Variants in MAP3K4 observed in about 807,000 individuals in gnomAD.
The protein encoded by MAP3K4 is MAP three kinase 1.
MAP3K4 carries 67 observed loss-of-function variants against 185.6 expected under a neutral mutation model. That is an observed-to-expected ratio of 0.36 (90% confidence interval 0.30 to 0.44). MAP3K4 has a LOEUF of 0.44. Among genes scored for constraint, MAP3K4 ranks in the 20% least tolerant of loss-of-function variants. The pLI is 1.00. For synonymous variants in MAP3K4, 702 were observed against 710.4 expected (o/e 0.99, Z 0.19); for missense variants, 1,551 against 1,995.1 (o/e 0.78, Z 4.24).
In MAP3K4 at chr6:161,049,338, C is replaced by T. The variant is rs756547877; in HGVS notation, c.1066C>T (p.Arg356Trp). 106 of 1,613,960 alleles carry T rather than the reference C, an allele frequency of 6.6e-5. No homozygotes were observed. Among genetic ancestry groups the T allele is most frequent in the Non-Finnish European group, 7.7e-5 (91 of 1,180,012 alleles). The change falls in exon 3 of 27, where the codon CGG becomes TGG. Residue 356 changes from arginine to tryptophan, a missense_variant. Around this residue, in one of 16 missense-constraint regions of MAP3K4, gnomAD observed 93 missense variants for 96.7 expected, o/e 0.96. Coordinates refer to ENST00000392142, the MANE Select transcript of MAP3K4 (RefSeq NM_005922.4). This position sits in a 1 kb window ranked among gnomAD's most constrained non-coding sequence, Gnocchi z 8.4. ...RQRVSFEQVK[R>W]IMELLEYIEA... ...GAGGGTCTCATTTGAGCAGGTAAAACGGATAATGGAGCTGCTAGAGTACAT... is the reference window on the plus strand; with the variant it reads ...GAGGGTCTCATTTGAGCAGGTAAAATGGATAATGGAGCTGCTAGAGTACAT...
intron 19 of MAP3K4, 133 bp downstream of exon 19, chr6:161,102,912 T>G (rs1401954709): frequency 1.7e-6 from 1 of 597,750 alleles, no homozygotes; most frequent in Non-Finnish European, 2.9e-6. Flanking sequence ...TTTTGTGATC[T>G]CACAGCTCTG....
intron 1 of MAP3K4, among the ~76,000 whole-genome samples, chr6:161,018,268 C>G (rs1024038254): frequency 6.6e-6 from 1 of 152,072 alleles, no homozygotes; most frequent in African/African-American, 2.4e-5. Context: ...TATATAAGGC[C>G]TTCTTGAGTC....
rs1349734377 is a variant in MAP3K4, at chr6:161,073,958, T to A, written c.2097+346T>A. On this transcript the variant is annotated intron_variant, in intron 5 of 26. Coordinates refer to ENST00000392142, the MANE Select transcript of MAP3K4 (RefSeq NM_005922.4). This position sits in a 1 kb window ranked among gnomAD's most constrained non-coding sequence, Gnocchi z 4.2. ...TAGAATAGTTCATCTTATGGCAGAA[T>A]GGCCCAGAAGTAGAATCAAAATATG... Among the ~76,000 whole-genome samples the A allele has an allele frequency of 3.3e-5, 5 of 152,236 alleles. No individual in the cohort carries two copies. The highest frequency in any genetic ancestry group is 1.5e-5 in the Non-Finnish European group (1 of 68,034).
In MAP3K4 at chr6:161,098,854, C is replaced by CA. The variant is rs1258245941; in HGVS notation, c.3674+427_3674+428insA. On this transcript the variant is annotated intron_variant, in intron 17 of 26. Transcript: ENST00000392142. This position sits in a 1 kb window ranked among gnomAD's most constrained non-coding sequence, Gnocchi z 4.4. ...AAGATCAGTTTTCTAGCCAAATACT[C>CA]TATTTTAAATAATTGTTGATTAGAA... 6.6e-6 allele frequency among the ~76,000 whole-genome samples: 1 copy of CA among 152,052 alleles called. No individual in the cohort carries two copies. Among genetic ancestry groups the CA allele is most frequent in the Non-Finnish European group, 1.5e-5 (1 of 68,006 alleles).
chr6:161,055,464 C>G (rs547914728), intron 3 of MAP3K4, among the ~76,000 whole-genome samples: 1 of 152,180 alleles, frequency 6.6e-6, no homozygotes, highest in Non-Finnish European at 1.5e-5. Context: ...TTCTTATATG[C>G]TCTTCATCCA....
intron 1 of MAP3K4, among the ~76,000 whole-genome samples, chr6:160,994,682 T>C (rs1780910311): frequency 2.0e-5 from 3 of 152,162 alleles, no homozygotes; most frequent in South Asian, 4.1e-4. Context: ...CAAATGGTAG[T>C]TCTACTTTTA....
In MAP3K4 at chr6:161,048,729, A is replaced by G; in HGVS notation, c.457A>G (p.Thr153Ala). The change falls in exon 3 of 27, where the codon ACA becomes GCA. Residue 153 changes from threonine to alanine, a missense_variant. Around this residue, in one of 16 missense-constraint regions of MAP3K4, gnomAD observed 287 missense variants for 268.8 expected, o/e 1.07. Coordinates refer to ENST00000392142, the MANE Select transcript of MAP3K4 (RefSeq NM_005922.4). The surrounding 1 kb of genome is among the most constrained non-coding windows in gnomAD (Gnocchi z 4.7). ...AAAGATCCGAGCAGCTCTTAGAACA[A>G]CAGAGCGTGATCGTAAAAAAAATGT... Reference protein sequence around the residue: ...EKKIRAALRTTERDRKKNVQC... With the variant: ...EKKIRAALRTAERDRKKNVQC... The G allele has an allele frequency of 1.9e-6, 3 of 1,614,084 alleles. No individual in the cohort carries two copies. The highest frequency in any genetic ancestry group is 2.5e-6 in the Non-Finnish European group (3 of 1,179,990).
At chr6:161,027,052 A>G (rs1433057177) in intron 1 of MAP3K4, among the ~76,000 whole-genome samples, 1 of 152,192 alleles carries the variant, frequency 6.6e-6, no homozygotes, top group Non-Finnish European at 1.5e-5. Context: ...AGTGAAACAG[A>G]AGACTTTATA....
rs1341077665 is a variant in MAP3K4 at position 161,115,834 on chromosome 6, A to G, written c.4806+532A>G. On this transcript the variant is annotated intron_variant, in intron 26 of 26. Coordinates refer to ENST00000392142, the MANE Select transcript of MAP3K4 (RefSeq NM_005922.4). This position sits in a 1 kb window ranked among gnomAD's most constrained non-coding sequence, Gnocchi z 6.0. ...CCTTCCGGGAGAGTGGGATGGTCAC[A>G]GAGCCCTGTGTAGGTAGATCCTGGT... 6.6e-6 allele frequency among the ~76,000 whole-genome samples: 1 copy of G among 152,220 alleles called. No individual in the cohort carries two copies. Among genetic ancestry groups the G allele is most frequent in the Non-Finnish European group, 1.5e-5 (1 of 68,032 alleles).
chr6:161,098,555 AGGGCCTT>A lies in MAP3K4; in HGVS notation c.3674+129_3674+135del. ...TGCTGTGGCGTGTGAGTGATGCTCT[AGGGCCTT>A]CCGCAGGTTGTCACGGCCCAGAGGC... On this transcript the variant is annotated intron_variant, in intron 17 of 26. Coordinates refer to ENST00000392142, the MANE Select transcript of MAP3K4 (RefSeq NM_005922.4). This position sits in a 1 kb window ranked among gnomAD's most constrained non-coding sequence, Gnocchi z 4.4. The A allele has an allele frequency of 2.7e-6, 3 of 1,120,248 alleles. No individual in the cohort carries two copies. Among genetic ancestry groups the A allele is most frequent in the Non-Finnish European group, 3.7e-6 (3 of 814,436 alleles). 69.4% of individuals were successfully genotyped at this position (1,120,248 alleles called of 1,614,324 possible).
At chr6:161,027,718 G>A (rs1004606177) in intron 1 of MAP3K4, among the ~76,000 whole-genome samples, 1 of 152,202 alleles carries the variant, frequency 6.6e-6, no homozygotes, top group Non-Finnish European at 1.5e-5. Context: ...AAAATAAAAT[G>A]TAAGGTTTGT....
Position 161,061,436 on chromosome 6 carries a change from A to G in MAP3K4, c.1708-9172A>G, listed in dbSNP as rs113265025. ...AGATTCTTTTTTCTACTTTATTTCC[A>G]AAATAATAGCTTTATTGAGATATAA... On this transcript the variant is annotated intron_variant, in intron 3 of 26. Coordinates refer to ENST00000392142, the MANE Select transcript of MAP3K4 (RefSeq NM_005922.4). The surrounding 1 kb of genome is among the most constrained non-coding windows in gnomAD (Gnocchi z 4.2). Among the ~76,000 whole-genome samples, 2,084 of 152,336 alleles carry G rather than the reference A, an allele frequency of 0.014. 64 individuals carry two copies. Among genetic ancestry groups the G allele is most frequent in the African/African-American group, 0.048 (1,985 of 41,572 alleles).
intron 1 of MAP3K4, among the ~76,000 whole-genome samples, chr6:161,013,619 C>G (rs1450564463): frequency 6.6e-6 from 1 of 152,136 alleles, no homozygotes; most frequent in Admixed American, 6.6e-5. Flanking sequence ...AATTCAGGGG[C>G]ACACTAGAGG....
rs5881391 is a variant in MAP3K4, at chr6:161,098,318, C to CCTGCTGCTG, written c.3590_3598dup (p.Ala1197_Ala1199dup). ...TTCCGACGCGCGGAGCCATGGCAGC[C>CCTGCTGCTG]CTGCTGCTGCTGCTGCTGCTGCTGC... is the stretch of plus-strand genomic sequence containing the variant. On this transcript the variant is annotated inframe_insertion, in exon 17 of 27. Transcript: ENST00000392142. The surrounding 1 kb of genome is among the most constrained non-coding windows in gnomAD (Gnocchi z 4.4). The CCTGCTGCTG allele has an allele frequency of 5.2e-5, 79 of 1,516,788 alleles. 1 individual carries two copies. The highest frequency in any genetic ancestry group is 1.4e-4 in the African/African-American group (10 of 72,158). 94.0% of individuals were successfully genotyped at this position (1,516,788 alleles called of 1,614,324 possible). A position where few individuals can be genotyped will look rare whatever the true frequency, so the allele number is the denominator to read the frequency against.
intron 3 of MAP3K4, among the ~76,000 whole-genome samples, chr6:161,055,598 A>G (rs1784195709): frequency 6.6e-6 from 1 of 152,192 alleles, no homozygotes; most frequent in Non-Finnish European, 1.5e-5. Context: ...TTTTTCTAAT[A>G]ATTCCCTTTT....
rs1017194863 is a variant in MAP3K4, at chr6:161,034,596, A to G, written c.343+147A>G. 4 of 646,534 alleles carry G rather than the reference A, an allele frequency of 6.2e-6. No individual in the cohort carries two copies. Among genetic ancestry groups the G allele is most frequent in the Non-Finnish European group, 1.0e-5 (4 of 389,088 alleles). The allele number at this position is 646,534 out of a possible 1,614,324, so 40.0% of individuals were successfully genotyped here. On this transcript the variant is annotated intron_variant, in intron 2 of 26. Coordinates refer to ENST00000392142, the MANE Select transcript of MAP3K4 (RefSeq NM_005922.4). This position sits in a 1 kb window ranked among gnomAD's most constrained non-coding sequence, Gnocchi z 4.4. ...AATTTTTTTTTGAATTATTACCATT[A>G]GTATTAATAAAATTGACACATAGTT... is the stretch of plus-strand genomic sequence containing the variant.
chr6:161,087,461 C>T lies in MAP3K4; in HGVS notation c.2557-227C>T, dbSNP rs542167322. Among the ~76,000 whole-genome samples, 14 of 152,228 alleles carry T rather than the reference C, an allele frequency of 9.2e-5. No individual in the cohort carries two copies. The highest frequency in any genetic ancestry group is 3.1e-4 in the African/African-American group (13 of 41,538). The stretch of plus-strand genomic sequence containing the variant: ...AGCAGTGAGGAGGATGTCCAATAAT[C>T]GGGGAGACTCTGTAAGGCCTCTCCT... On this transcript the variant is annotated intron_variant, in intron 9 of 26. Transcript: ENST00000392142. This position sits in a 1 kb window ranked among gnomAD's most constrained non-coding sequence, Gnocchi z 4.9.
rs1047333714 is a variant in MAP3K4, at chr6:161,067,279, G to A, written c.1708-3329G>A. ...AGACAGGACAACTCGAAGCAGGGAT[G>A]GGGCTTGCAGGTCACAGGTAGGTAA... On this transcript the variant is annotated intron_variant, in intron 3 of 26. Coordinates refer to ENST00000392142, the MANE Select transcript of MAP3K4 (RefSeq NM_005922.4). This position sits in a 1 kb window ranked among gnomAD's most constrained non-coding sequence, Gnocchi z 6.3. 1.1e-5 allele frequency: 5 copies of A among 439,570 alleles called. No individual in the cohort carries two copies. In the Admixed American group the frequency reaches 1.2e-4, roughly 11 times the overall value. 27.2% of individuals were successfully genotyped at this position (439,570 alleles called of 1,614,324 possible).
At chr6:161,014,131 A>G (rs1037590071) in intron 1 of MAP3K4, among the ~76,000 whole-genome samples, 1 of 152,162 alleles carries the variant, frequency 6.6e-6, no homozygotes, top group Non-Finnish European at 1.5e-5. Context: ...TTTTGTAATA[A>G]CCTTGCTGGT....
Sources: allele counts gnomAD v4.1 joint callset (sites outside exome capture counted in the v4.1 genomes callset), GRCh38; gene constraint gnomAD v4.1.1; regional missense constraint gnomAD v4.1.1; non-coding constraint Gnocchi (gnomAD v3.1); transcripts MANE v1.5; gene names NCBI Gene and HGNC (gene_info 2026-07-23, HGNC 2026-07-21).